DENND5B: variants seen among roughly 807,000 people sequenced by gnomAD.
The protein encoded by DENND5B is DENN domain containing 5B.
A neutral mutation model predicts 140.6 loss-of-function variants in DENND5B; 34 were observed. The observed-to-expected ratio is 0.24, with a 90% confidence interval of 0.18 to 0.32. The LOEUF (loss-of-function observed/expected upper bound fraction) is 0.32. DENND5B is among the 10% of genes least tolerant of loss of function. The pLI is 1.00. For synonymous variants in DENND5B, 551 were observed against 562.1 expected (o/e 0.98, Z 0.28); for missense variants, 1,142 against 1,560.2 (o/e 0.73, Z 4.52).
intron 8 of DENND5B, among the ~76,000 whole-genome samples, chr12:31,430,535 G>A (rs570852623): frequency 4.0e-5 from 6 of 150,204 alleles, no homozygotes; most frequent in Admixed American, 3.3e-4. Context: ...TTAGGTGGGC[G>A]TGGTACGTGC....
At chr12:31,544,071 C>G (rs1948773299) in intron 1 of DENND5B, among the ~76,000 whole-genome samples, 1 of 151,996 alleles carries the variant, frequency 6.6e-6, no homozygotes, top group South Asian at 2.1e-4. Context: ...GGCTGAGGCA[C>G]AAGAATCGCT....
At chr12:31,501,862 A>G (rs1947019167) in intron 1 of DENND5B, among the ~76,000 whole-genome samples, 1 of 152,186 alleles carries the variant, frequency 6.6e-6, no homozygotes, top group Admixed American at 6.5e-5. Context: ...CATTAATTAT[A>G]ACTAATGTAC....
At chr12:31,489,549 A>G (rs959234228) in intron 2 of DENND5B, among the ~76,000 whole-genome samples, 3 of 152,236 alleles carry the variant, frequency 2.0e-5, no homozygotes, top group African/African-American at 7.2e-5. Flanking sequence ...ACACCTAGTC[A>G]AGGACAGGGA....
intron 1 of DENND5B, among the ~76,000 whole-genome samples, chr12:31,561,349 C>G (rs542928092): frequency 6.6e-6 from 1 of 152,196 alleles, no homozygotes; most frequent in Non-Finnish European, 1.5e-5. Context: ...CTAAGCCAAG[C>G]GTGGTGGCAC....
intron 15 of DENND5B, among the ~76,000 whole-genome samples, chr12:31,401,055 C>G (rs1245780115): frequency 6.6e-6 from 1 of 152,002 alleles, no homozygotes; most frequent in East Asian, 1.9e-4. Context: ...TTTGGTCAGG[C>G]TGGCCTCAGA....
At chr12:31,487,436 A>G (rs1479024629) in intron 2 of DENND5B, among the ~76,000 whole-genome samples, 2 of 152,130 alleles carry the variant, frequency 1.3e-5, no homozygotes, top group African/African-American at 4.8e-5. Context: ...AGTGGCTCAC[A>G]CCCATAATCC....
intron 10 of DENND5B, 48 bp downstream of exon 10, chr12:31,424,487 A>G (rs1360680429): frequency 2.1e-5 from 32 of 1,533,518 alleles, no homozygotes; most frequent in Non-Finnish European, 2.5e-5. Flanking sequence ...ACATTTCTTA[A>G]CAGGGCTCTT....
intron 1 of DENND5B, among the ~76,000 whole-genome samples, chr12:31,585,738 T>C (rs948824765): frequency 6.6e-6 from 1 of 152,214 alleles, no homozygotes; most frequent in Non-Finnish European, 1.5e-5. Context: ...CTTATTTGAA[T>C]TCAGATCATG....
At chr12:31,515,756 A>G (rs944168512) in intron 1 of DENND5B, among the ~76,000 whole-genome samples, 2 of 152,230 alleles carry the variant, frequency 1.3e-5, no homozygotes, top group Non-Finnish European at 2.9e-5. Context: ...GTAACACAAT[A>G]TTACTGGTAT....
At chr12:31,432,427 A>C (rs767260527) in intron 8 of DENND5B, 1 of 152,200 alleles carries the variant, frequency 6.6e-6, no homozygotes, top group Non-Finnish European at 1.5e-5. Context: ...ACTAGAAAAC[A>C]GTTAACAAGT....
At chr12:31,571,088 G>C (rs1191082167) in intron 1 of DENND5B, among the ~76,000 whole-genome samples, 4 of 152,146 alleles carry the variant, frequency 2.6e-5, no homozygotes, top group Admixed American at 1.3e-4. Context: ...CTTACTATGG[G>C]AGACAGGAAA....
At chr12:31,495,023 A>T (rs1331988460) in intron 2 of DENND5B, among the ~76,000 whole-genome samples, 1 of 152,192 alleles carries the variant, frequency 6.6e-6, no homozygotes, top group East Asian at 1.9e-4. Flanking sequence ...CACCGGTAAC[A>T]ATAATACAAA....
At chr12:31,437,700 A>T (rs544219808) in intron 7 of DENND5B, among the ~76,000 whole-genome samples, 1 of 152,314 alleles carries the variant, frequency 6.6e-6, no homozygotes, top group African/African-American at 2.4e-5. Flanking sequence ...ATATACTCAA[A>T]ACAACCGAAA....
chr12:31,496,870 T>C (rs1946779785), intron 1 of DENND5B, among the ~76,000 whole-genome samples: 1 of 152,198 alleles, frequency 6.6e-6, no homozygotes, highest in Non-Finnish European at 1.5e-5. Context: ...GGATCTTAAA[T>C]TCCCAATGTC....
At chr12:31,470,111 C>CTT (rs762346220) in intron 3 of DENND5B, among the ~76,000 whole-genome samples, 2,189 of 105,672 alleles carry the variant, frequency 0.021, 147 homozygotes, top group African/African-American at 0.036. Flanking sequence ...CCATGTCTGG[C>CTT]TTTTTTTTTT....
At chr12:31,454,258 A>G (rs1944667378) in intron 4 of DENND5B, among the ~76,000 whole-genome samples, 1 of 152,182 alleles carries the variant, frequency 6.6e-6, no homozygotes, top group African/African-American at 2.4e-5. Context: ...CAGATGAAGA[A>G]ACCGAGGCCC....
intron 1 of DENND5B, among the ~76,000 whole-genome samples, chr12:31,516,000 C>T (rs1205145777): frequency 6.6e-6 from 1 of 152,252 alleles, no homozygotes; most frequent in East Asian, 1.9e-4. Context: ...TTAAAAGCTA[C>T]TCTTTCCGAA....
intron 3 of DENND5B, among the ~76,000 whole-genome samples, chr12:31,471,282 C>T (rs971512472): frequency 7.2e-5 from 11 of 152,120 alleles, no homozygotes; most frequent in African/African-American, 2.7e-4. Flanking sequence ...TTCTGGTGAC[C>T]AGAGATCTTA....
At chr12:31,551,089 G>C (rs1330141926) in intron 1 of DENND5B, among the ~76,000 whole-genome samples, 2 of 151,982 alleles carry the variant, frequency 1.3e-5, no homozygotes, top group Non-Finnish European at 2.9e-5. Context: ...TGTCAATTTT[G>C]GCTTTTGTTG....
Sources: gnomAD v4.1 joint callset for allele counts (sites outside exome capture counted in the v4.1 genomes callset) on GRCh38, gnomAD v4.1.1 for gene constraint, MANE v1.5 for transcripts, NCBI Gene and HGNC (gene_info 2026-07-23, HGNC 2026-07-21) for gene names.